The following PAPPA2 variants were observed in gnomAD, a reference collection of about 807,000 sequenced individuals.
The protein encoded by PAPPA2 is pappalysin 2, also known as pappalysin-2.
PAPPA2 carries 86 observed loss-of-function variants against 176.4 expected under a neutral mutation model. That is an observed-to-expected ratio of 0.49 (90% CI 0.41 to 0.58). The LOEUF (loss-of-function observed/expected upper bound fraction) is 0.58. Among genes scored for constraint, PAPPA2 ranks in the 20% least tolerant of loss-of-function variants. The probability of loss-of-function intolerance (pLI) is 0.00; values close to 1 mark genes in which losing one functional copy is unlikely to be tolerated. For synonymous variants in PAPPA2, 809 were observed against 852.2 expected (o/e 0.95, Z 0.88); for missense variants, 2,073 against 2,256.9 (o/e 0.92, Z 1.65).
chr1:176,557,349 C>A, intron 2 of PAPPA2, 108 bp downstream of exon 2: 1 of 1,279,488 alleles, frequency 7.8e-7, no homozygotes, highest in Non-Finnish European at 1.0e-6. Context: ...AACAGGAAAG[C>A]CAGAAAGGGC....
chr1:176,571,960 C>T (rs1455784673), intron 2 of PAPPA2, among the ~76,000 whole-genome samples: 1 of 152,176 alleles, frequency 6.6e-6, no homozygotes, highest in African/African-American at 2.4e-5. Context: ...TCTTAAAGCC[C>T]TTCGAGATAA....
chr1:176,682,192 C>T (rs1021342360), intron 4 of PAPPA2, among the ~76,000 whole-genome samples: 3 of 152,158 alleles, frequency 2.0e-5, no homozygotes, highest in Non-Finnish European at 4.4e-5. Flanking sequence ...TCTTTGGTAA[C>T]GTCAACCAGA....
At chr1:176,654,077 TTTG>T (rs1259307906) in intron 3 of PAPPA2, among the ~76,000 whole-genome samples, 1 of 151,816 alleles carries the variant, frequency 6.6e-6, no homozygotes, top group Non-Finnish European at 1.5e-5. Flanking sequence ...TTTGTCTATT[TTTG>T]TTGTTGTTAC....
intron 1 of PAPPA2, among the ~76,000 whole-genome samples, chr1:176,485,106 A>T (rs1652587058): frequency 6.6e-6 from 1 of 152,224 alleles, no homozygotes; most frequent in African/African-American, 2.4e-5. Flanking sequence ...AGCTTCCCAC[A>T]TGCTGGACTG....
At chr1:176,547,413 A>T (rs536174208) in intron 1 of PAPPA2, among the ~76,000 whole-genome samples, 1 of 152,316 alleles carries the variant, frequency 6.6e-6, no homozygotes, top group South Asian at 2.1e-4. Context: ...TAGGAAGATT[A>T]TATAATCATG....
chr1:176,479,742 AG>A (rs942498092), intron 1 of PAPPA2, among the ~76,000 whole-genome samples: 16 of 152,316 alleles, frequency 1.1e-4, no homozygotes, highest in African/African-American at 3.6e-4. Context: ...CTATAGAAAA[AG>A]TTTGAATACC....
chr1:176,585,074 A>C (rs568796223), intron 2 of PAPPA2, among the ~76,000 whole-genome samples: 4 of 152,262 alleles, frequency 2.6e-5, no homozygotes, highest in Admixed American at 6.5e-5. Flanking sequence ...CTCTATCTGC[A>C]AGTTTTGTAC....
intron 3 of PAPPA2, among the ~76,000 whole-genome samples, chr1:176,658,764 A>C (rs1402050980): frequency 6.6e-6 from 1 of 152,066 alleles, no homozygotes; most frequent in Non-Finnish European, 1.5e-5. Flanking sequence ...GGGCAAAGGA[A>C]ACTAAAAGAA....
chr1:176,603,907 C>T (rs764841457), intron 3 of PAPPA2, among the ~76,000 whole-genome samples: 25 of 152,152 alleles, frequency 1.6e-4, no homozygotes, highest in Non-Finnish European at 1.9e-4. Flanking sequence ...CCTAATTCTC[C>T]AGCAGCTTAC....
intron 1 of PAPPA2, among the ~76,000 whole-genome samples, chr1:176,520,715 AG>A (rs2102537160): frequency 6.6e-6 from 1 of 152,324 alleles, no homozygotes; most frequent in African/African-American, 2.4e-5. Flanking sequence ...CAAGGGAGTT[AG>A]GGGAGAAGAA....
At chr1:176,656,550 G>A (rs930423543) in intron 3 of PAPPA2, among the ~76,000 whole-genome samples, 5 of 151,784 alleles carry the variant, frequency 3.3e-5, no homozygotes, top group Non-Finnish European at 5.9e-5. Context: ...TTAAAAATAG[G>A]AAGCTTTTCC....
chr1:176,812,296 C>T (rs1454440769), intron 21 of PAPPA2, among the ~76,000 whole-genome samples: 1 of 151,504 alleles, frequency 6.6e-6, no homozygotes, highest in African/African-American at 2.4e-5. Context: ...AAATATTACT[C>T]GCCTGCAGAA....
chr1:176,544,661 G>T (rs1372260393), intron 1 of PAPPA2, among the ~76,000 whole-genome samples: 1 of 152,076 alleles, frequency 6.6e-6, no homozygotes, highest in Non-Finnish European at 1.5e-5. Context: ...ATCTACCTGG[G>T]CTTAGTGCAG....
intron 1 of PAPPA2, among the ~76,000 whole-genome samples, chr1:176,478,665 C>A (rs1159522277): frequency 6.6e-6 from 1 of 152,232 alleles, no homozygotes; most frequent in African/African-American, 2.4e-5. Context: ...CCACAATGTT[C>A]TTGAGACATT....
At chr1:176,507,099 T>C (rs1194275230) in intron 1 of PAPPA2, among the ~76,000 whole-genome samples, 1 of 150,714 alleles carries the variant, frequency 6.6e-6, no homozygotes, top group East Asian at 2.0e-4. Context: ...CAAGCAAAAA[T>C]AAATAACCCC....
At chr1:176,569,282 C>A (rs1041430769) in intron 2 of PAPPA2, among the ~76,000 whole-genome samples, 3 of 152,190 alleles carry the variant, frequency 2.0e-5, no homozygotes, top group African/African-American at 7.2e-5. Flanking sequence ...ACAGATACAG[C>A]ACTCTCCCTG....
At chr1:176,483,245 G>A (rs988242844) in intron 1 of PAPPA2, among the ~76,000 whole-genome samples, 6 of 151,992 alleles carry the variant, frequency 3.9e-5, no homozygotes, top group African/African-American at 1.4e-4. Context: ...CGCCCAATCA[G>A]AAGCGACACT....
intron 14 of PAPPA2, among the ~76,000 whole-genome samples, chr1:176,756,893 T>G (rs893655907): frequency 2.0e-5 from 3 of 152,162 alleles, no homozygotes; most frequent in Non-Finnish European, 4.4e-5. Flanking sequence ...GTGTGTGATG[T>G]TCCCCTCTCT....
intron 3 of PAPPA2, among the ~76,000 whole-genome samples, chr1:176,599,903 T>C (rs1468703401): frequency 1.3e-5 from 2 of 152,102 alleles, no homozygotes; most frequent in East Asian, 1.9e-4. Flanking sequence ...GGCAGAAACA[T>C]AGAGGAGGAG....
Sources: allele counts gnomAD v4.1 joint callset (sites outside exome capture counted in the v4.1 genomes callset), GRCh38; gene constraint gnomAD v4.1.1; transcripts MANE v1.5; gene names NCBI Gene and HGNC (gene_info 2026-07-23, HGNC 2026-07-21).